The following EEF2K variants were observed in gnomAD, a reference collection of about 807,000 sequenced individuals.
EEF2K encodes eukaryotic elongation factor 2 kinase.
Under a neutral mutation model 93.8 loss-of-function variants are expected in EEF2K, and 70 were observed. That is an observed-to-expected ratio of 0.75 (90% CI 0.62 to 0.91). The LOEUF (loss-of-function observed/expected upper bound fraction) is 0.91, where lower values mean the gene tolerates loss of function less well. Ranked by LOEUF, EEF2K falls within the 40% of genes least tolerant of loss-of-function variation. The pLI, the probability that EEF2K is intolerant of heterozygous loss-of-function variation, is 0.00. For synonymous variants in EEF2K, 376 were observed against 380.8 expected, an observed-to-expected ratio of 0.99 and a Z score of 0.15; for missense variants, 935 against 972.9, an observed-to-expected ratio of 0.96 and a Z score of 0.52.
chr16:22,262,991 C>A, intron 11 of EEF2K, 119 bp from the exon 12 acceptor site: 1 of 830,336 alleles, frequency 1.2e-6, no homozygotes, highest in Non-Finnish European at 1.8e-6. Context: ...ACAGCAGGAG[C>A]AGGGTGTTAG....
chr16:22,280,688 G>A (rs1463003819), intron 17 of EEF2K, among the ~76,000 whole-genome samples: 18 of 140,882 alleles, frequency 1.3e-4, no homozygotes, highest in Middle Eastern at 3.6e-3. Context: ...TTTTTGAGAC[G>A]GAGTCTCGCT....
intron 1 of EEF2K, among the ~76,000 whole-genome samples, chr16:22,210,985 G>A (rs776446363): frequency 1.7e-4 from 26 of 152,154 alleles, no homozygotes; most frequent in Non-Finnish European, 3.2e-4. Context: ...GCTGCTGGAC[G>A]GGCTCAGAAA....
At chr16:22,261,117 A>G (rs2047457879) in intron 11 of EEF2K, among the ~76,000 whole-genome samples, 1 of 152,178 alleles carries the variant, frequency 6.6e-6, no homozygotes, top group South Asian at 2.1e-4. Flanking sequence ...TCATGCCTAT[A>G]ATCCCAGCAC....
At chr16:22,251,533 G>A (rs1208220887) in intron 6 of EEF2K, among the ~76,000 whole-genome samples, 6 of 151,524 alleles carry the variant, frequency 4.0e-5, no homozygotes, top group African/African-American at 1.5e-4. Flanking sequence ...CGATTCTCCT[G>A]CCTCAGCCAC....
intron 2 of EEF2K, among the ~76,000 whole-genome samples, chr16:22,231,741 C>G (rs965467936): frequency 2.0e-5 from 3 of 151,860 alleles, no homozygotes; most frequent in African/African-American, 7.3e-5. Context: ...CCTGTAATCC[C>G]AGCACTTTGG....
At chr16:22,246,581 G>T (rs9929506) in intron 3 of EEF2K, among the ~76,000 whole-genome samples, 10,768 of 147,836 alleles carry the variant, frequency 0.073, 1,322 homozygotes, top group African/African-American at 0.25. Context: ...AGAGTTGCAT[G>T]CCAGGAAATG....
intron 11 of EEF2K, among the ~76,000 whole-genome samples, chr16:22,262,710 C>T (rs571127171): frequency 1.6e-4 from 24 of 152,258 alleles, no homozygotes; most frequent in African/African-American, 5.8e-4. Context: ...ACCCACACAG[C>T]CCTTCGATGT....
intron 15 of EEF2K, among the ~76,000 whole-genome samples, chr16:22,273,137 A>G (rs111295064): frequency 2.0e-5 from 3 of 152,348 alleles, no homozygotes; most frequent in African/African-American, 7.2e-5. Context: ...TAGCTTAGGC[A>G]GTGGTACAGC....
chr16:22,214,962 G>A (rs1000882371), intron 1 of EEF2K, among the ~76,000 whole-genome samples: 2 of 152,204 alleles, frequency 1.3e-5, no homozygotes, highest in African/African-American at 4.8e-5. Context: ...AGAATTGCCT[G>A]GGGTTTAAAA....
intron 1 of EEF2K, among the ~76,000 whole-genome samples, chr16:22,213,156 T>C (rs1197458058): frequency 1.3e-5 from 2 of 152,168 alleles, no homozygotes; most frequent in African/African-American, 2.4e-5. Context: ...GGCACACACC[T>C]GTAATCCCAG....
intron 13 of EEF2K, 74 bp downstream of exon 13, chr16:22,264,954 C>T: frequency 1.3e-6 from 2 of 1,547,286 alleles, no homozygotes; most frequent in Admixed American, 3.5e-5. Flanking sequence ...TTTCTCCTGT[C>T]TCATATCTCT....
intron 15 of EEF2K, 39 bp from the exon 16 acceptor site, chr16:22,273,587 A>G: frequency 1.2e-6 from 2 of 1,610,564 alleles, no homozygotes; most frequent in Non-Finnish European, 1.7e-6. Flanking sequence ...TGTAAGCCTC[A>G]TTCACTCTTC....
chr16:22,260,048 C>T (rs1300602345), intron 10 of EEF2K, among the ~76,000 whole-genome samples: 1 of 152,130 alleles, frequency 6.6e-6, no homozygotes, highest in East Asian at 1.9e-4. Context: ...ACACCGTGCC[C>T]AGCTGAAGAT....
At chr16:22,248,670 G>A in intron 3 of EEF2K, 85 bp from the exon 4 acceptor site, 2 of 1,538,278 alleles carry the variant, frequency 1.3e-6, no homozygotes, top group South Asian at 1.1e-5. Context: ...TCAGTGGGGA[G>A]CCCAGAAGGG....
At chr16:22,260,368 T>G in intron 10 of EEF2K, 94 bp from the exon 11 acceptor site, 3 of 1,208,502 alleles carry the variant, frequency 2.5e-6, no homozygotes, top group East Asian at 2.4e-5. Context: ...AAAAAAGGCT[T>G]GGTGGCAGGT....
At chr16:22,252,381 A>C (rs1462825216) in intron 6 of EEF2K, among the ~76,000 whole-genome samples, 1 of 152,156 alleles carries the variant, frequency 6.6e-6, no homozygotes, top group Non-Finnish European at 1.5e-5. Context: ...TAGTGGTAGC[A>C]CTCTGGCCCC....
chr16:22,253,783 A>T (rs376829783), intron 6 of EEF2K, among the ~76,000 whole-genome samples: 1 of 151,766 alleles, frequency 6.6e-6, no homozygotes, highest in Admixed American at 6.6e-5. Context: ...GCTGTCTCCT[A>T]GTGCCTAGGT....
chr16:22,226,517 CTTT>C (rs553013823), intron 2 of EEF2K, among the ~76,000 whole-genome samples: 2 of 106,896 alleles, frequency 1.9e-5, no homozygotes, highest in African/African-American at 4.2e-5. Flanking sequence ...CCTTCTTCTT[CTTT>C]TTTTTTTTTT....
chr16:22,237,379 T>C (rs2078264435), intron 2 of EEF2K, among the ~76,000 whole-genome samples: 1 of 152,054 alleles, frequency 6.6e-6, no homozygotes, highest in Admixed American at 6.6e-5. Flanking sequence ...GGCTTATGTC[T>C]GTAATCCCAG....
Sources: gnomAD v4.1 joint callset for allele counts (sites outside exome capture counted in the v4.1 genomes callset) on GRCh38, gnomAD v4.1.1 for gene constraint, MANE v1.5 for transcripts, NCBI Gene and HGNC (gene_info 2026-07-23, HGNC 2026-07-21) for gene names.